The following CR1 variants were observed in gnomAD, a reference collection of about 807,000 sequenced individuals.
CR1 encodes the protein complement receptor type 1.
A neutral mutation model predicts 187.3 loss-of-function variants in CR1; 116 were observed. The ratio of observed to expected loss-of-function variants is 0.62; its 90% confidence interval spans 0.53 to 0.72. The LOEUF is 0.72. CR1 is among the 30% of genes least tolerant of loss of function. The pLI, the probability that CR1 is intolerant of heterozygous loss-of-function variation, is 0.00. For missense variants in CR1, 1,731 were observed against 2,110.7 expected, an observed-to-expected ratio of 0.82 and a Z score of 3.52; for synonymous variants, 576 against 747.1, an observed-to-expected ratio of 0.77 and a Z score of 3.73.
intron 5 of CR1, among the ~76,000 whole-genome samples, chr1:207,525,141 G>A (rs1452996676): frequency 6.6e-6 from 1 of 152,012 alleles, no homozygotes; most frequent in African/African-American, 2.4e-5. Context: ...GACAGCACTA[G>A]GGTGATGGTG....
At chr1:207,564,297 G>A in intron 23 of CR1, 63 bp downstream of exon 23, 7 of 1,593,468 alleles carry the variant, frequency 4.4e-6, no homozygotes, top group Non-Finnish European at 5.1e-6. Flanking sequence ...AGTCTAAAAA[G>A]GGGAGATTTG....
In CR1 at chr1:207,524,048, C is replaced by T. The variant is rs757928878; in HGVS notation, c.886+39C>T. 6.2e-6 allele frequency: 10 copies of T among 1,611,602 alleles called. No homozygotes were observed. In the Admixed American group the frequency reaches 1.5e-4, roughly 24 times the overall value. ...AGGCCTAGAAGGGCCCTGCCAGTGA[C>T]ATGCGTTGCTGTTGGATCAGGAGAT... is the stretch of plus-strand genomic sequence containing the variant. On this transcript the variant is annotated intron_variant, in intron 5 of 46. Coordinates refer to ENST00000367049, the MANE Select transcript of CR1 (RefSeq NM_000651.6).
rs1040406865 is a variant in CR1, at chr1:207,523,665, A to G, written c.542A>G (p.Asn181Ser). Residue 181 changes from asparagine to serine, a missense_variant, in exon 5 of 47, where the codon AAC becomes AGC. By Grantham distance (46) the Asn-to-Ser change is conservative (BLOSUM62 1). This residue lies in a region of CR1 where 237 missense variants were observed against 240.4 expected (regional missense o/e 0.99). Transcript: ENST00000367049. ...ACCAATGGAGATTTCATTAGCACCA[A>G]CAGAGAGAATTTTCACTATGGATCA... Reference protein sequence around the residue: ...TITNGDFISTNRENFHYGSVV... With the variant: ...TITNGDFISTSRENFHYGSVV... 5 of 1,613,944 alleles carry G rather than the reference A, an allele frequency of 3.1e-6. No individual in the cohort carries two copies. The highest frequency in any genetic ancestry group is 4.2e-6 in the Non-Finnish European group (5 of 1,179,902).
intron 32 of CR1, among the ~76,000 whole-genome samples, chr1:207,582,500 A>T (rs1451093130): frequency 6.6e-6 from 1 of 152,248 alleles, no homozygotes; most frequent in African/African-American, 2.4e-5. Flanking sequence ...AAAATCAAAG[A>T]CATGAATAGA....
intron 36 of CR1, among the ~76,000 whole-genome samples, chr1:207,608,112 C>T (rs559898200): frequency 6.6e-6 from 1 of 152,282 alleles, no homozygotes; most frequent in Non-Finnish European, 1.5e-5. Context: ...TCCAGAGATA[C>T]TCAATGCAAT....
At chr1:207,623,856 A>C (rs1334254450) in intron 45 of CR1, among the ~76,000 whole-genome samples, 1 of 151,518 alleles carries the variant, frequency 6.6e-6, no homozygotes, top group Non-Finnish European at 1.5e-5. Context: ...GGAAGAATTG[A>C]AACTTTCCAT....
Position 207,587,467 on chromosome 1 carries a change from C to T in CR1, c.5612C>T (p.Ser1871Phe). The T allele has an allele frequency of 6.2e-7, 1 of 1,613,968 alleles. No homozygotes were observed. The highest frequency in any genetic ancestry group is 8.5e-7 in the Non-Finnish European group (1 of 1,179,830). The change falls in exon 34 of 47, where the codon TCT becomes TTT. Residue 1871 changes from serine to phenylalanine, a missense_variant. By Grantham distance (155) the Ser-to-Phe change is radical (BLOSUM62 -2). This residue lies in a region of CR1 where 1,312 missense variants were observed against 1,379.6 expected (regional missense o/e 0.95). Transcript: ENST00000367049. ...GACTTTGAGTTTCCAGTCGGGACATCTTTGAATTATGAATGCCGTCCTGGG... is the reference window on the plus strand; with the variant it reads ...GACTTTGAGTTTCCAGTCGGGACATTTTTGAATTATGAATGCCGTCCTGGG... ...INDFEFPVGTSLNYECRPGYF... is the reference protein window; with the variant it reads ...INDFEFPVGTFLNYECRPGYF...
At position 207,630,535 on chromosome 1, in the gene CR1, C is replaced by A. The variant is rs1662608323; in HGVS notation, c.7371C>A (p.Asn2457Lys). The change falls in exon 46 of 47, where the codon AAC becomes AAA. Residue 2457 changes from asparagine to lysine, a missense_variant. Asn to Lys is a moderately conservative substitution (Grantham distance 94, BLOSUM62 0). Transcript: ENST00000367049. ...KHRKGNNAHE[N>K]PKEVAIHLHS... ...CAATTAGCAATAATGCACATGAAAA[C>A]CCTAAAGAAGTGGCTATCCATTTAC... 1.9e-6 allele frequency: 3 copies of A among 1,607,732 alleles called. No individual in the cohort carries two copies. The highest frequency in any genetic ancestry group is 2.5e-6 in the Non-Finnish European group (3 of 1,177,440).
intron 4 of CR1, among the ~76,000 whole-genome samples, chr1:207,513,164 G>A (rs1283088856): frequency 6.6e-6 from 1 of 152,168 alleles, no homozygotes; most frequent in Non-Finnish European, 1.5e-5. Context: ...GTCTACTTTG[G>A]TTTTAGAGAC....
chr1:207,605,395 C>G (rs916872287), intron 35 of CR1, among the ~76,000 whole-genome samples: 4 of 150,984 alleles, frequency 2.6e-5, no homozygotes, highest in Non-Finnish European at 5.9e-5. Flanking sequence ...AGGTGACGGA[C>G]ATGTTAATTA....
chr1:207,613,612 T>A (rs1409915461), intron 39 of CR1, among the ~76,000 whole-genome samples: 1 of 152,074 alleles, frequency 6.6e-6, no homozygotes, highest in Non-Finnish European at 1.5e-5. Flanking sequence ...CAGTTTCAAG[T>A]GGTATTATTA....
rs1319282398 is a variant in CR1 at position 207,609,378 on chromosome 1, T to C, written c.5985T>C (p.Thr1995=). Residue 1995 remains threonine, a synonymous_variant, in exon 37 of 47, where the codon ACT becomes ACC. Transcript: ENST00000367049. ...RTSFHNGTVV[T]YQCHTGPDGE... ...CTTTTCACAATGGAACGGTGGTAAC[T>C]TACCAGTGCCACACTGGACCAGATG... 1.2e-6 allele frequency: 2 copies of C among 1,614,006 alleles called. No homozygotes were observed. The highest frequency in any genetic ancestry group is 1.1e-5 in the South Asian group (1 of 91,082).
chr1:207,583,048 T>C (rs574455046), intron 32 of CR1, among the ~76,000 whole-genome samples: 2 of 151,768 alleles, frequency 1.3e-5, no homozygotes, highest in East Asian at 3.9e-4. Flanking sequence ...AAAGAGATCT[T>C]CACCTAGGGA....
chr1:207,632,322 C>T (rs901124276), intron 46 of CR1, among the ~76,000 whole-genome samples: 3 of 152,104 alleles, frequency 2.0e-5, no homozygotes, highest in African/African-American at 7.2e-5. Context: ...ATGGCTAATG[C>T]TAATATACCA....
chr1:207,636,839 C>G (rs1175490899), intron 46 of CR1, among the ~76,000 whole-genome samples: 1 of 152,198 alleles, frequency 6.6e-6, no homozygotes, highest in Non-Finnish European at 1.5e-5. Context: ...GCTTCTCTTG[C>G]CCTCACCAGC....
chr1:207,597,339 CA>C (rs1661478185), intron 35 of CR1, among the ~76,000 whole-genome samples: 1 of 152,068 alleles, frequency 6.6e-6, no homozygotes, highest in African/African-American at 2.4e-5. Flanking sequence ...ATCCTATTTA[CA>C]GTAGCACCAA....
chr1:207,586,936 C>T (rs1313918283), intron 33 of CR1, among the ~76,000 whole-genome samples: 1 of 152,158 alleles, frequency 6.6e-6, no homozygotes, highest in Non-Finnish European at 1.5e-5. Context: ...TCATTCAACT[C>T]ACTACAAGGG....
intron 35 of CR1, among the ~76,000 whole-genome samples, chr1:207,596,057 ATATATC>A (rs61129485): frequency 0.26 from 38,468 of 145,950 alleles, 5,653 homozygotes; most frequent in South Asian, 0.43. Context: ...CTATATCTAT[ATATATC>A]TATATCTATA....
chr1:207,595,971 TATGTAGGGGACAC>T (rs1661426239), intron 35 of CR1, among the ~76,000 whole-genome samples: 1 of 150,212 alleles, frequency 6.7e-6, no homozygotes, highest in Admixed American at 6.6e-5. Context: ...AAACTTATCA[TATGTAGGGGACAC>T]ATATTCTTGA....
Sources: allele counts gnomAD v4.1 joint callset (sites outside exome capture counted in the v4.1 genomes callset), GRCh38; gene constraint gnomAD v4.1.1; regional missense constraint gnomAD v4.1.1; transcripts MANE v1.5; gene names NCBI Gene and HGNC (gene_info 2026-07-23, HGNC 2026-07-21).